CPQ: variants seen among roughly 807,000 people sequenced by gnomAD.
CPQ encodes the protein carboxypeptidase Q, also known as Ser-Met dipeptidase.
Under a neutral mutation model 45.7 loss-of-function variants are expected in CPQ, and 37 were observed. That is an observed-to-expected ratio of 0.81 (90% CI 0.62 to 1.07). The LOEUF is 1.07. Ranked by LOEUF, CPQ falls within the 50% of genes least tolerant of loss-of-function variation. CPQ has a pLI of 0.00. For missense variants in CPQ, 537 were observed against 572.9 expected, an observed-to-expected ratio of 0.94 and a Z score of 0.64; for synonymous variants, 186 against 205.8, an observed-to-expected ratio of 0.90 and a Z score of 0.82.
chr8:96,674,797 C>A (rs1809053423), intron 1 of CPQ, among the ~76,000 whole-genome samples: 1 of 152,008 alleles, frequency 6.6e-6, no homozygotes, highest in Non-Finnish European at 1.5e-5. Flanking sequence ...TATCTTTGGA[C>A]ACGAAGGTAA....
chr8:96,837,355 C>T (rs1012168090), intron 3 of CPQ, among the ~76,000 whole-genome samples: 28 of 152,250 alleles, frequency 1.8e-4, no homozygotes, highest in East Asian at 1.2e-3. Flanking sequence ...TTGTTAAGGT[C>T]GCAAATAACT....
At chr8:97,128,795 G>A (rs903668486) in intron 7 of CPQ, among the ~76,000 whole-genome samples, 1 of 152,216 alleles carries the variant, frequency 6.6e-6, no homozygotes, top group African/African-American at 2.4e-5. Flanking sequence ...CACTACTGTG[G>A]AAAGTAGAGG....
chr8:96,678,287 T>C (rs1809101977), intron 1 of CPQ, among the ~76,000 whole-genome samples: 1 of 152,162 alleles, frequency 6.6e-6, no homozygotes, highest in Admixed American at 6.6e-5. Context: ...ACAATATTGG[T>C]TCCACCTATC....
At position 96,908,107 on chromosome 8, in the gene CPQ, C is replaced by CGTGTGT. The variant is rs35548556; in HGVS notation, c.849+28133_849+28138dup. Among the ~76,000 whole-genome samples, 857 of 145,810 alleles carry CGTGTGT rather than the reference C, an allele frequency of 5.9e-3. 6 individuals carry two copies. The highest frequency in any genetic ancestry group is 9.1e-3 in the African/African-American group (357 of 39,422). ...TTATTGGATTTCTCCCCCACTGCAACGTGTGTGTGTGTGTGTGTGTGTGTG... is the reference window on the plus strand; with the variant it reads ...TTATTGGATTTCTCCCCCACTGCAACGTGTGTGTGTGTGTGTGTGTGTGTGTGTGTG... On this transcript the variant is annotated intron_variant, in intron 4 of 7. Coordinates refer to ENST00000220763, the MANE Select transcript of CPQ (RefSeq NM_016134.4).
At chr8:96,964,154 A>C (rs1048649640) in intron 4 of CPQ, among the ~76,000 whole-genome samples, 4 of 142,118 alleles carry the variant, frequency 2.8e-5, no homozygotes, top group African/African-American at 1.1e-4. Flanking sequence ...ATTCCAGTAC[A>C]TCTTTTTTGG....
intron 1 of CPQ, among the ~76,000 whole-genome samples, chr8:96,721,162 T>C (rs1010477610): frequency 3.9e-5 from 6 of 152,216 alleles, no homozygotes; most frequent in Middle Eastern, 3.4e-3. Context: ...CCATGTTGCA[T>C]GGTTTCTTCC....
At chr8:96,933,086 C>A (rs1427592853) in intron 4 of CPQ, among the ~76,000 whole-genome samples, 1 of 152,116 alleles carries the variant, frequency 6.6e-6, no homozygotes, top group Non-Finnish European at 1.5e-5. Context: ...TCAGAGAGGA[C>A]CACTGAATGT....
At chr8:96,936,399 C>T (rs1386666688) in intron 4 of CPQ, among the ~76,000 whole-genome samples, 1 of 152,164 alleles carries the variant, frequency 6.6e-6, no homozygotes, top group Non-Finnish European at 1.5e-5. Flanking sequence ...AAAAAAGCAA[C>T]ATCAAACCTT....
intron 3 of CPQ, among the ~76,000 whole-genome samples, chr8:96,851,237 C>G (rs1478552382): frequency 6.6e-6 from 1 of 152,176 alleles, no homozygotes; most frequent in South Asian, 2.1e-4. Flanking sequence ...GATAACTAAA[C>G]TACAAATGAA....
At chr8:97,099,550 G>T (rs1271254520) in intron 7 of CPQ, among the ~76,000 whole-genome samples, 5 of 142,994 alleles carry the variant, frequency 3.5e-5, no homozygotes, top group Admixed American at 2.8e-4. Context: ...AGATATGTGT[G>T]TTTTTTTTTT....
chr8:96,889,998 C>A, intron 4 of CPQ, among the ~76,000 whole-genome samples: 1 of 152,146 alleles, frequency 6.6e-6, no homozygotes, highest in East Asian at 1.9e-4. Context: ...TAATATTAAC[C>A]ATGACAAGTT....
Position 97,039,756 on chromosome 8 carries a change from A to C in CPQ, c.1053+10262A>C, listed in dbSNP as rs556262705. Among the ~76,000 whole-genome samples, 26 of 151,898 alleles carry C rather than the reference A, an allele frequency of 1.7e-4. No individual in the cohort carries two copies. The East Asian group carries it at 3.3e-3, about 19-fold the overall frequency. ...GTGTTTGGTTTTTTGTCCTTGCGAT[A>C]GTTTACTGAGAATGATGATTTCCAG... is the stretch of plus-strand genomic sequence containing the variant. On this transcript the variant is annotated intron_variant, in intron 6 of 7. Coordinates refer to ENST00000220763, the MANE Select transcript of CPQ (RefSeq NM_016134.4).
rs5893399 is a variant in CPQ at position 96,800,976 on chromosome 8, A to ATT, written c.433+15662_433+15663dup. ...TAATTAACTGAACACTCTGAATTTG[A>ATT]TTTTTTTTTTTTTTTTTGAGACAGG... On this transcript the variant is annotated intron_variant, in intron 2 of 7. Coordinates refer to ENST00000220763, the MANE Select transcript of CPQ (RefSeq NM_016134.4). Among the ~76,000 whole-genome samples, 965 of 139,660 alleles carry ATT rather than the reference A, an allele frequency of 6.9e-3. 20 individuals are homozygous for ATT. Among genetic ancestry groups the ATT allele is most frequent in the East Asian group, 0.058 (271 of 4,688 alleles). 91.6% of individuals were successfully genotyped at this position (139,660 alleles called of 152,430 possible). A position where few individuals can be genotyped will look rare whatever the true frequency, so the allele number is the denominator to read the frequency against.
intron 4 of CPQ, among the ~76,000 whole-genome samples, chr8:96,948,268 T>C (rs1411180915): frequency 1.3e-5 from 2 of 152,138 alleles, no homozygotes; most frequent in African/African-American, 2.4e-5. Flanking sequence ...TAGGTTGCTT[T>C]GGATAGTATG....
At chr8:96,804,784 G>A (rs1192270767) in intron 2 of CPQ, among the ~76,000 whole-genome samples, 1 of 151,374 alleles carries the variant, frequency 6.6e-6, no homozygotes, top group African/African-American at 2.4e-5. Context: ...GGGGTGTTTA[G>A]TGACAAAAGT....
chr8:97,142,096 T>A (rs1465155479), intron 7 of CPQ, among the ~76,000 whole-genome samples: 1 of 152,166 alleles, frequency 6.6e-6, no homozygotes, highest in Non-Finnish European at 1.5e-5. Flanking sequence ...GTGATATCAT[T>A]CTTGCATTAA....
intron 4 of CPQ, among the ~76,000 whole-genome samples, chr8:96,908,656 A>C (rs1158209083): frequency 6.6e-6 from 1 of 151,194 alleles, no homozygotes; most frequent in East Asian, 2.0e-4. Context: ...GAGATAGGTT[A>C]CTCTTTAAAT....
At chr8:97,101,913 GCTCTCTCT>G (rs71512450) in intron 7 of CPQ, among the ~76,000 whole-genome samples, 75 of 119,568 alleles carry the variant, frequency 6.3e-4, no homozygotes, top group Middle Eastern at 4.5e-3. Context: ...TAGATTGGTG[GCTCTCTCT>G]CTCTCTCTCT....
chr8:96,968,217 G>A (rs1023715180), intron 5 of CPQ, among the ~76,000 whole-genome samples: 2 of 152,028 alleles, frequency 1.3e-5, no homozygotes, highest in African/African-American at 4.8e-5. Context: ...GAAACCCAGT[G>A]ACCCCTCCAC....
Sources: allele counts gnomAD v4.1 joint callset (sites outside exome capture counted in the v4.1 genomes callset), GRCh38; gene constraint gnomAD v4.1.1; transcripts MANE v1.5; gene names NCBI Gene and HGNC (gene_info 2026-07-23, HGNC 2026-07-21).